Variants in AKAP3 observed in about 807,000 individuals in gnomAD.
AKAP3 encodes A-kinase anchor protein 3.
A neutral mutation model predicts 57.2 loss-of-function variants in AKAP3; 27 were observed. That is an observed-to-expected ratio of 0.47 (90% confidence interval 0.35 to 0.65). AKAP3 has a LOEUF of 0.65. Ranked by LOEUF, AKAP3 falls within the 30% of genes least tolerant of loss-of-function variation. The probability of loss-of-function intolerance (pLI) is 0.01; values close to 1 mark genes in which losing one functional copy is unlikely to be tolerated. For synonymous variants in AKAP3, 334 were observed against 392.3 expected, an observed-to-expected ratio of 0.85 and a Z score of 1.76; for missense variants, 959 against 1,040.0, an observed-to-expected ratio of 0.92 and a Z score of 1.07.
chr12:4,636,958 C>T (rs1019627696), intron 4 of AKAP3, among the ~76,000 whole-genome samples: 7 of 151,944 alleles, frequency 4.6e-5, no homozygotes, highest in Non-Finnish European at 1.0e-4. Context: ...GTTGCCTGGG[C>T]TGGTCTCCAA....
chr12:4,637,233 T>C (rs536664761), intron 4 of AKAP3, among the ~76,000 whole-genome samples: 1 of 152,346 alleles, frequency 6.6e-6, no homozygotes, highest in Admixed American at 6.5e-5. Flanking sequence ...TGCTTTGTGA[T>C]ACCAGAGCTA....
At chr12:4,639,438 AATT>A (rs1303067108) in intron 3 of AKAP3, among the ~76,000 whole-genome samples, 2 of 151,922 alleles carry the variant, frequency 1.3e-5, no homozygotes, top group Non-Finnish European at 2.9e-5. Flanking sequence ...TCTTTTTTAA[AATT>A]ATACTTTTAA....
Position 4,616,680 on chromosome 12 carries a change from C to G in AKAP3, c.2407-786G>C, listed in dbSNP as rs572264681. Among the ~76,000 whole-genome samples the G allele has an allele frequency of 7.9e-5, 12 of 152,228 alleles. No individual in the cohort carries two copies. In the East Asian group the frequency reaches 1.5e-3, roughly 20 times the overall value. On this transcript the variant is annotated intron_variant, in intron 5 of 5. Transcript: ENST00000228850. Reference sequence around the variant, plus strand: ...TACAAAATATAAAATAAAAACCTGTCAGATGGGCTAAATAGCAGAATGTAA... The same window carrying G: ...TACAAAATATAAAATAAAAACCTGTGAGATGGGCTAAATAGCAGAATGTAA...
At chr12:4,616,961 A>G (rs1210555790) in intron 5 of AKAP3, among the ~76,000 whole-genome samples, 2 of 152,162 alleles carry the variant, frequency 1.3e-5, no homozygotes, top group African/African-American at 2.4e-5. Context: ...TTAAACCTAT[A>G]CATTCAAAAA....
intron 3 of AKAP3, among the ~76,000 whole-genome samples, chr12:4,640,596 G>C (rs144776117): frequency 3.9e-5 from 6 of 152,280 alleles, no homozygotes; most frequent in Non-Finnish European, 7.4e-5. Context: ...GGGTGTTTTA[G>C]ATAATCATTA....
At chr12:4,646,605 G>A (rs1163710685) in intron 1 of AKAP3, among the ~76,000 whole-genome samples, 1 of 151,874 alleles carries the variant, frequency 6.6e-6, no homozygotes, top group Non-Finnish European at 1.5e-5. Context: ...CTGGGAGGCG[G>A]AAGTTGCAGT....
chr12:4,635,542 C>A, intron 4 of AKAP3: 1 of 701,622 alleles, frequency 1.4e-6, no homozygotes, highest in Middle Eastern at 2.5e-4. Context: ...CTGCATAGGA[C>A]TGTGCTTCCT....
chr12:4,644,017 T>C (rs1945668320), intron 2 of AKAP3, among the ~76,000 whole-genome samples: 1 of 152,248 alleles, frequency 6.6e-6, no homozygotes. Context: ...TTTCTTTTAC[T>C]GCCTTCCTTT....
At chr12:4,631,820 A>T (rs573202300) in intron 4 of AKAP3, among the ~76,000 whole-genome samples, 1 of 151,934 alleles carries the variant, frequency 6.6e-6, no homozygotes, top group Admixed American at 6.5e-5. Context: ...TAATAAAAAC[A>T]GCTATACCTT....
At position 4,627,834 on chromosome 12, in the gene AKAP3, C is replaced by G; in HGVS notation, c.1068G>C (p.Ser356=). 1 of 1,614,088 alleles carries G rather than the reference C, an allele frequency of 6.2e-7. No homozygotes were observed. Among genetic ancestry groups the G allele is most frequent in the Non-Finnish European group, 8.5e-7 (1 of 1,180,016 alleles). Residue 356 remains serine (S), a synonymous_variant, in exon 5 of 6, where the codon TCG becomes TCC. Transcript: ENST00000228850. ...GTLMTDTQFV[S]AVKRTVFSHG... ...GAGAGAAGACAGTTCTTTTCACAGC[C>G]GAGACAAACTGTGTGTCAGTCATGA...
chr12:4,616,763 A>G (rs991931976), intron 5 of AKAP3, among the ~76,000 whole-genome samples: 1 of 152,216 alleles, frequency 6.6e-6, no homozygotes, highest in Non-Finnish European at 1.5e-5. Flanking sequence ...TCCATGCTGA[A>G]CAACATATGA....
Position 4,626,384 on chromosome 12 carries a change from G to A in AKAP3, c.2406+112C>T, listed in dbSNP as rs146081396. ...GGAGGCATGATCTTCAAATCCCACT[G>A]TTCCCATTTTACCTTCTCTGTGGCT... On this transcript the variant is annotated intron_variant, in intron 5 of 5. Coordinates refer to ENST00000228850, the MANE Select transcript of AKAP3 (RefSeq NM_001278309.2). The A allele has an allele frequency of 2.9e-4, 367 of 1,285,840 alleles. 2 individuals are homozygous for A. The African/African-American group carries it at 4.9e-3, about 17-fold the overall frequency. The allele number at this position is 1,285,840 out of a possible 1,614,324, so 79.7% of individuals were successfully genotyped here.
intron 5 of AKAP3, among the ~76,000 whole-genome samples, chr12:4,617,550 T>G (rs1945299826): frequency 6.6e-6 from 1 of 152,164 alleles, no homozygotes; most frequent in Non-Finnish European, 1.5e-5. Context: ...GTCAGGAGTT[T>G]GAGACCAGCC....
At chr12:4,624,401 A>T (rs1316298039) in intron 5 of AKAP3, among the ~76,000 whole-genome samples, 4 of 149,446 alleles carry the variant, frequency 2.7e-5, no homozygotes, top group African/African-American at 7.4e-5. Flanking sequence ...GATCCAAACA[A>T]TTTTTTTCTC....
chr12:4,642,454 G>A (rs1945648791), intron 2 of AKAP3, among the ~76,000 whole-genome samples: 2 of 152,184 alleles, frequency 1.3e-5, no homozygotes, highest in Non-Finnish European at 2.9e-5. Flanking sequence ...GGAGTTCATA[G>A]ATATCTTCCA....
intron 3 of AKAP3, among the ~76,000 whole-genome samples, chr12:4,641,028 TA>T (rs1213559479): frequency 1.4e-5 from 2 of 147,616 alleles, no homozygotes; most frequent in Non-Finnish European, 3.0e-5. Flanking sequence ...CCCATTTCTT[TA>T]AAAATTTTCT....
At chr12:4,619,448 T>G (rs1178432241) in intron 5 of AKAP3, among the ~76,000 whole-genome samples, 1 of 151,902 alleles carries the variant, frequency 6.6e-6, no homozygotes, top group Non-Finnish European at 1.5e-5. Context: ...TCCCAGCTAC[T>G]CGGGAGGCTG....
In AKAP3 at chr12:4,641,905, AGAG is replaced by A. The variant is rs1426241906; in HGVS notation, c.-10_-8del. 6.6e-6 allele frequency: 1 copy of A among 152,230 alleles called. No homozygotes were observed. Among genetic ancestry groups the A allele is most frequent in the African/African-American group, 2.4e-5 (1 of 41,460 alleles). The allele number at this position is 152,230 out of a possible 1,614,324, so 9.4% of individuals were successfully genotyped here. On this transcript the variant is annotated 5_prime_UTR_variant, in exon 3 of 6. Transcript: ENST00000228850. ...AAATTATGTGATCACTTACTCTTAC[AGAG>A]GATAGGTTCTGAGATATGAGGAAAG...
chr12:4,623,367 T>C (rs1945368215), intron 5 of AKAP3, among the ~76,000 whole-genome samples: 2 of 152,150 alleles, frequency 1.3e-5, no homozygotes, highest in African/African-American at 4.8e-5. Flanking sequence ...TAAGTGCCCA[T>C]CAATGGCAGA....
Sources: allele counts gnomAD v4.1 joint callset (sites outside exome capture counted in the v4.1 genomes callset), GRCh38; gene constraint gnomAD v4.1.1; transcripts MANE v1.5; gene names NCBI Gene and HGNC (gene_info 2026-07-23, HGNC 2026-07-21).